The following DBF4B variants were observed in gnomAD, a reference collection of about 807,000 sequenced individuals.
The protein encoded by DBF4B is DBF4B-CDC7 kinase regulatory subunit.
A neutral mutation model predicts 53.4 loss-of-function variants in DBF4B; 49 were observed. The observed-to-expected ratio is 0.92, with a 90% confidence interval of 0.73 to 1.16. The LOEUF (loss-of-function observed/expected upper bound fraction) is 1.16, where lower values mean the gene tolerates loss of function less well. Among genes scored for constraint, DBF4B ranks in the 50% most tolerant of loss-of-function variants. The pLI, the probability that DBF4B is intolerant of heterozygous loss-of-function variation, is 0.00. For synonymous variants in DBF4B, 257 were observed against 288.7 expected, an observed-to-expected ratio of 0.89 and a Z score of 1.11; for missense variants, 692 against 775.0, an observed-to-expected ratio of 0.89 and a Z score of 1.27.
At chr17:44,714,721 G>C (rs1022826660) in intron 2 of DBF4B, among the ~76,000 whole-genome samples, 2 of 152,024 alleles carry the variant, frequency 1.3e-5, no homozygotes, top group African/African-American at 2.4e-5. Context: ...ATTAAATTTT[G>C]ATTTTTTTGT....
Position 44,725,684 on chromosome 17 carries a change from C to CTTTTTTTTTTT in DBF4B, c.225+2672_225+2682dup, listed in dbSNP as rs68091397. Among the ~76,000 whole-genome samples, 64 of 87,634 alleles carry CTTTTTTTTTTT rather than the reference C, an allele frequency of 7.3e-4. 3 individuals carry two copies. Among genetic ancestry groups the CTTTTTTTTTTT allele is most frequent in the Non-Finnish European group, 1.0e-3 (45 of 43,424 alleles). The allele number at this position is 87,634 out of a possible 152,430, so 57.5% of individuals were successfully genotyped here. ...ATCCTGCCTTTGTTTTTTTGTGCTT[C>CTTTTTTTTTTT]TTTTTTTTTTTTTTTTTTTTAAGAG... On this transcript the variant is annotated intron_variant, in intron 3 of 13. Coordinates refer to ENST00000315005, the MANE Select transcript of DBF4B (RefSeq NM_145663.3).
At chr17:44,733,034 G>A (rs936462331) in intron 6 of DBF4B, among the ~76,000 whole-genome samples, 10 of 151,710 alleles carry the variant, frequency 6.6e-5, no homozygotes, top group African/African-American at 1.9e-4. Flanking sequence ...GCGTGGTGGC[G>A]GGCGCCTGTA....
At chr17:44,741,280 C>T (rs1598846196) in intron 9 of DBF4B, 56 bp from the exon 10 acceptor site, 1 of 1,322,410 alleles carries the variant, frequency 7.6e-7, no homozygotes, top group South Asian at 1.2e-5. Flanking sequence ...GCGAGGCCCC[C>T]TCCTCAGCCT....
chr17:44,751,101 C>G lies in DBF4B; in HGVS notation c.1696C>G (p.Pro566Ala). Residue 566 changes from proline (P) to alanine (A), a missense_variant, in exon 14 of 14, where the codon CCC (proline) becomes GCC (alanine). By Grantham distance (27) the Pro-to-Ala change is conservative. Coordinates refer to ENST00000315005, the MANE Select transcript of DBF4B (RefSeq NM_145663.3). ...VRVPSLSTAG[P>A]IPRTSHPCTL... ...GGTGCCCTCATTGTCAACTGCAGGA[C>G]CCATTCCCCGAACCTCACATCCGTG... 6.2e-7 allele frequency: 1 copy of G among 1,614,176 alleles called. No individual in the cohort carries two copies. Among genetic ancestry groups the G allele is most frequent in the African/African-American group, 1.3e-5 (1 of 75,052 alleles).
At chr17:44,747,653 T>G in intron 12 of DBF4B, 138 bp downstream of exon 12, 1 of 1,221,920 alleles carries the variant, frequency 8.2e-7, no homozygotes, top group South Asian at 1.6e-5. Flanking sequence ...TTTCCCCTTA[T>G]CCTCAGTCCT....
intron 2 of DBF4B, among the ~76,000 whole-genome samples, chr17:44,721,224 C>A (rs569358363): frequency 7.5e-6 from 1 of 134,130 alleles, no homozygotes; most frequent in East Asian, 2.1e-4. Flanking sequence ...CTTCCCCCCC[C>A]CTCCCCTTTT....
At position 44,746,913 on chromosome 17, in the gene DBF4B, T is replaced by C. The variant is rs981827090; in HGVS notation, c.831-170T>C. Among the ~76,000 whole-genome samples, 164 of 151,986 alleles carry C rather than the reference T, an allele frequency of 1.1e-3. 3 individuals are homozygous for C. The highest frequency in any genetic ancestry group is 0.011 in the Admixed American group (163 of 15,282). ...CTTCCTTGTTCCCCTCTTGCCATTC[T>C]TAGATGATTGGTACCAAGCTCAGGG... On this transcript the variant is annotated intron_variant, in intron 10 of 13. Coordinates refer to ENST00000315005, the MANE Select transcript of DBF4B (RefSeq NM_145663.3).
chr17:44,737,073 C>T (rs938853952), intron 8 of DBF4B, among the ~76,000 whole-genome samples: 13 of 152,144 alleles, frequency 8.5e-5, no homozygotes, highest in South Asian at 4.1e-4. Flanking sequence ...GCTGCTGGGC[C>T]GGGGCTTCTC....
At chr17:44,739,707 G>A (rs1975800815) in intron 9 of DBF4B, among the ~76,000 whole-genome samples, 1 of 152,238 alleles carries the variant, frequency 6.6e-6, no homozygotes, top group Non-Finnish European at 1.5e-5. Context: ...TCACCAGAGA[G>A]GGGTACACAT....
rs561523470 is a variant in DBF4B at position 44,723,365 on chromosome 17, A to G, written c.225+343A>G. On this transcript the variant is annotated intron_variant, in intron 3 of 13. Coordinates refer to ENST00000315005, the MANE Select transcript of DBF4B (RefSeq NM_145663.3). ...CATGATCTGCCAACCTCGGCTTCCC[A>G]AAGTGCTGGGATTACAGGCGTGAGC... Among the ~76,000 whole-genome samples the G allele has an allele frequency of 1.6e-3, 239 of 152,286 alleles. 1 individual carries two copies. Among genetic ancestry groups the G allele is most frequent in the African/African-American group, 5.5e-3 (230 of 41,568 alleles).
At chr17:44,728,515 C>T (rs1974551165) in intron 3 of DBF4B, among the ~76,000 whole-genome samples, 1 of 152,100 alleles carries the variant, frequency 6.6e-6, no homozygotes, top group Non-Finnish European at 1.5e-5. Flanking sequence ...TTTGCTTTTG[C>T]TGTATTAAAA....
chr17:44,732,043 T>C, intron 5 of DBF4B, 135 bp from the exon 6 acceptor site: 1 of 746,936 alleles, frequency 1.3e-6, no homozygotes, highest in Non-Finnish European at 2.2e-6. Flanking sequence ...GGCACTGTAC[T>C]CTCTCTCCTA....
At chr17:44,719,924 C>A in intron 2 of DBF4B, 1 of 206,250 alleles carries the variant, frequency 4.8e-6, no homozygotes, top group South Asian at 9.9e-5. Flanking sequence ...TTTTCTGTGT[C>A]AAAGGTCTCA....
Position 44,726,657 on chromosome 17 carries a change from TGG to T in DBF4B, c.226-3246_226-3245del, listed in dbSNP as rs201377888. On this transcript the variant is annotated intron_variant, in intron 3 of 13. Transcript: ENST00000315005. ...TGCCCTTCATATGCATCATTTGCGG[TGG>T]GAATATAATATTCTTTTGAGTGGAT... 5.0e-3 allele frequency among the ~76,000 whole-genome samples: 761 copies of T among 152,246 alleles called. 5 individuals are homozygous for T. Among genetic ancestry groups the T allele is most frequent in the African/African-American group, 0.018 (730 of 41,544 alleles).
chr17:44,730,320 T>C (rs888074429), intron 4 of DBF4B, among the ~76,000 whole-genome samples: 1 of 152,176 alleles, frequency 6.6e-6, no homozygotes, highest in African/African-American at 2.4e-5. Context: ...TTACGGGACT[T>C]GAAAGTCAGA....
Position 44,749,479 on chromosome 17 carries a change from G to A in DBF4B, c.1189+1014G>A. On this transcript the variant is annotated intron_variant, in intron 13 of 13. Transcript: ENST00000315005. The surrounding 1 kb of genome is among the most constrained non-coding windows in gnomAD (Gnocchi z 4.4). Reference sequence around the variant, plus strand: ...CCAAAAGAGCTAGAAGGAGGCCCGGGCCTGGCCTTTGAAGTCCAGCAAGCA... The same window carrying A: ...CCAAAAGAGCTAGAAGGAGGCCCGGACCTGGCCTTTGAAGTCCAGCAAGCA... The A allele has an allele frequency of 1.6e-6, 2 of 1,285,738 alleles. No individual in the cohort carries two copies. Among genetic ancestry groups the A allele is most frequent in the South Asian group, 2.5e-5 (2 of 80,874 alleles). The allele number at this position is 1,285,738 out of a possible 1,614,324, so 79.6% of individuals were successfully genotyped here. A position where few individuals can be genotyped will look rare whatever the true frequency, so the allele number is the denominator to read the frequency against.
intron 2 of DBF4B, among the ~76,000 whole-genome samples, chr17:44,711,643 C>T (rs1247219193): frequency 6.6e-6 from 1 of 151,858 alleles, no homozygotes; most frequent in East Asian, 1.9e-4. Flanking sequence ...GAAACCCTGT[C>T]TCTACTAAAA....
intron 7 of DBF4B, 89 bp downstream of exon 7, chr17:44,734,252 A>G (rs1012879233): frequency 1.6e-5 from 24 of 1,512,632 alleles, no homozygotes; most frequent in African/African-American, 2.7e-5. Flanking sequence ...CACCCAAACC[A>G]TCTCTTCCTG....
intron 3 of DBF4B, among the ~76,000 whole-genome samples, chr17:44,723,718 C>T (rs1019640253): frequency 6.6e-6 from 1 of 151,632 alleles, no homozygotes; most frequent in African/African-American, 2.4e-5. Flanking sequence ...GAGATTGTAC[C>T]ACTGCACTCC....
Sources: gnomAD v4.1 joint callset for allele counts (sites outside exome capture counted in the v4.1 genomes callset) on GRCh38, gnomAD v4.1.1 for gene constraint, Gnocchi (gnomAD v3.1) non-coding constraint, MANE v1.5 for transcripts, NCBI Gene and HGNC (gene_info 2026-07-23, HGNC 2026-07-21) for gene names.